MCF2L2: variants seen among roughly 807,000 people sequenced by gnomAD.
MCF2L2 encodes the protein probable guanine nucleotide exchange factor MCF2L2.
In MCF2L2, 102 loss-of-function variants were observed where a neutral mutation model predicts 150.2. That is an observed-to-expected ratio of 0.68 (90% CI 0.58 to 0.80). MCF2L2 has a LOEUF of 0.80. Among genes scored for constraint, MCF2L2 ranks in the 30% least tolerant of loss-of-function variants. The pLI, the probability that MCF2L2 is intolerant of heterozygous loss-of-function variation, is 0.00. For missense variants in MCF2L2, 1,256 were observed against 1,372.8 expected, an observed-to-expected ratio of 0.91 and a Z score of 1.34; for synonymous variants, 465 against 491.3, an observed-to-expected ratio of 0.95 and a Z score of 0.71.
At chr3:183,360,847 T>C (rs1712092012) in intron 3 of MCF2L2, among the ~76,000 whole-genome samples, 1 of 151,650 alleles carries the variant, frequency 6.6e-6, no homozygotes, top group African/African-American at 2.4e-5. Flanking sequence ...CGCATGCTTA[T>C]AATCCCAGCT....
intron 2 of MCF2L2, among the ~76,000 whole-genome samples, chr3:183,379,648 G>A (rs1012077715): frequency 2.0e-5 from 3 of 152,096 alleles, no homozygotes; most frequent in Non-Finnish European, 4.4e-5. Flanking sequence ...CTGTGTAAAA[G>A]GAAATACTGA....
At chr3:183,395,745 C>G (rs1469482932) in intron 1 of MCF2L2, among the ~76,000 whole-genome samples, 2 of 151,770 alleles carry the variant, frequency 1.3e-5, no homozygotes, top group Non-Finnish European at 2.9e-5. Flanking sequence ...ATGGTAGAAC[C>G]CCGTCTCCAA....
intron 1 of MCF2L2, among the ~76,000 whole-genome samples, chr3:183,394,809 T>C (rs1284454277): frequency 1.3e-5 from 2 of 152,186 alleles, no homozygotes; most frequent in Non-Finnish European, 2.9e-5. Context: ...ATAAAATAAT[T>C]GAGATTCTAA....
chr3:183,371,836 T>A (rs957335740), intron 3 of MCF2L2, among the ~76,000 whole-genome samples: 1 of 151,956 alleles, frequency 6.6e-6, no homozygotes, highest in Admixed American at 6.6e-5. Flanking sequence ...AGAGGAATAG[T>A]CACTTATGCC....
intron 6 of MCF2L2, among the ~76,000 whole-genome samples, chr3:183,322,187 A>AT: frequency 6.6e-6 from 1 of 152,364 alleles, no homozygotes; most frequent in Middle Eastern, 3.4e-3. Context: ...TTTCCTCAAT[A>AT]TTACTGAAAC....
In MCF2L2 at chr3:183,379,429, G is replaced by T. The variant is rs1398543960; in HGVS notation, c.161-18C>A. 1.3e-6 allele frequency: 2 copies of T among 1,573,420 alleles called. No individual in the cohort carries two copies. The highest frequency in any genetic ancestry group is 1.7e-6 in the Non-Finnish European group (2 of 1,147,176). ...TCGGCCTCCTGCAACAAAAACAGGT[G>T]GTCAAAATGTTAGCAAAATGTTGTC... On this transcript the variant is annotated intron_variant, in intron 2 of 29. Coordinates refer to ENST00000328913, the MANE Select transcript of MCF2L2 (RefSeq NM_015078.4).
intron 15 of MCF2L2, among the ~76,000 whole-genome samples, chr3:183,233,121 C>T (rs1723635238): frequency 6.6e-6 from 1 of 152,142 alleles, no homozygotes; most frequent in African/African-American, 2.4e-5. Flanking sequence ...GAGGCTGAGG[C>T]AGGTGGATCA....
chr3:183,426,810 A>C (rs1175044641), intron 1 of MCF2L2, among the ~76,000 whole-genome samples: 3 of 152,250 alleles, frequency 2.0e-5, no homozygotes, highest in African/African-American at 7.2e-5. Flanking sequence ...CACAATTGGC[A>C]CCAGAAACTT....
In MCF2L2 at chr3:183,194,439, G is replaced by C. The variant is rs546826359; in HGVS notation, c.2918+783C>G. ...TTCCTCCCAGACAAGGGGGAATAAA[G>C]AAAGGAAGATGATCAGGAGAGTTCT... On this transcript the variant is annotated intron_variant, in intron 26 of 29. Coordinates refer to ENST00000328913, the MANE Select transcript of MCF2L2 (RefSeq NM_015078.4). Among the ~76,000 whole-genome samples the C allele has an allele frequency of 2.0e-5, 3 of 152,324 alleles. No homozygotes were observed. In the East Asian group the frequency reaches 5.8e-4, roughly 29 times the overall value.
rs1722937489 is a variant in MCF2L2, at chr3:183,216,572, ATATATATATTTTTTTTTTTTTTTT to A, written c.2371-502_2371-479del. ...ATATATTATATATATATATATATAT[ATATATATATTTTTTTTTTTTTTTT>A]TTTTTTTTTTTTTTTTTTTTGAGAG... On this transcript the variant is annotated intron_variant, in intron 21 of 29. Coordinates refer to ENST00000328913, the MANE Select transcript of MCF2L2 (RefSeq NM_015078.4). 8.4e-4 allele frequency among the ~76,000 whole-genome samples: 16 copies of A among 19,090 alleles called. 1 individual carries two copies. The highest frequency in any genetic ancestry group is 1.7e-3 in the Admixed American group (2 of 1,202). The allele number at this position is 19,090 out of a possible 152,430, so 12.5% of individuals were successfully genotyped here.
intron 25 of MCF2L2, among the ~76,000 whole-genome samples, chr3:183,200,966 C>T (rs1412059886): frequency 6.6e-6 from 1 of 152,134 alleles, no homozygotes; most frequent in Non-Finnish European, 1.5e-5. Context: ...GGGCTCTGTT[C>T]TGTTCCATTG....
chr3:183,414,669 T>C (rs1197825015), intron 1 of MCF2L2, among the ~76,000 whole-genome samples: 2 of 152,214 alleles, frequency 1.3e-5, no homozygotes, highest in African/African-American at 4.8e-5. Context: ...GAGATCTTTC[T>C]TCTTTCTTAA....
chr3:183,319,743 T>C (rs1392213675), intron 6 of MCF2L2, among the ~76,000 whole-genome samples: 1 of 152,226 alleles, frequency 6.6e-6, no homozygotes, highest in East Asian at 1.9e-4. Context: ...AAGGATCTTT[T>C]TGTCTAAGCA....
intron 12 of MCF2L2, among the ~76,000 whole-genome samples, chr3:183,295,694 C>A (rs1004147749): frequency 2.1e-4 from 32 of 152,230 alleles, no homozygotes; most frequent in African/African-American, 7.0e-4. Context: ...CCCTTGAGGA[C>A]AATGACTACA....
chr3:183,323,978 T>C (rs1729923784), intron 5 of MCF2L2, among the ~76,000 whole-genome samples: 1 of 152,166 alleles, frequency 6.6e-6, no homozygotes, highest in South Asian at 2.1e-4. Context: ...TTTTCAGTCA[T>C]AAGTTCCCAA....
chr3:183,326,290 G>A (rs1293715059), intron 5 of MCF2L2, among the ~76,000 whole-genome samples: 1 of 151,936 alleles, frequency 6.6e-6, no homozygotes, highest in Non-Finnish European at 1.5e-5. Flanking sequence ...TCAGGAGTTC[G>A]AGACTAGCCT....
At chr3:183,427,173 G>A (rs1285109146) in intron 1 of MCF2L2, among the ~76,000 whole-genome samples, 1 of 152,166 alleles carries the variant, frequency 6.6e-6, no homozygotes, top group Non-Finnish European at 1.5e-5. Flanking sequence ...AAGGCCAAGG[G>A]GAAGAAAGTG....
At chr3:183,231,059 CAG>C in intron 15 of MCF2L2, 42 bp from the exon 16 acceptor site, 1 of 1,401,908 alleles carries the variant, frequency 7.1e-7, no homozygotes. Flanking sequence ...GAGAGAGAGA[CAG>C]GGAGAGGAGA....
At chr3:183,422,262 T>C (rs375466719) in intron 1 of MCF2L2, among the ~76,000 whole-genome samples, 100 of 152,288 alleles carry the variant, frequency 6.6e-4, no homozygotes, top group African/African-American at 2.0e-3. Context: ...AAAATCTCCA[T>C]TGTATTCAAG....
Sources: gnomAD v4.1 joint callset for allele counts (sites outside exome capture counted in the v4.1 genomes callset) on GRCh38, gnomAD v4.1.1 for gene constraint, MANE v1.5 for transcripts, NCBI Gene and HGNC (gene_info 2026-07-23, HGNC 2026-07-21) for gene names.